ZNF827: variants seen among roughly 807,000 people sequenced by gnomAD.
ZNF827 encodes the protein zinc finger protein 827.
ZNF827 carries 13 observed loss-of-function variants against 102.4 expected under a neutral mutation model. That is an observed-to-expected ratio of 0.13 (90% CI 0.08 to 0.20). ZNF827 has a LOEUF of 0.20. Ranked by LOEUF, ZNF827 falls within the 10% of genes least tolerant of loss-of-function variation. ZNF827 has a pLI of 1.00. For missense variants in ZNF827, 1,103 were observed against 1,344.4 expected (o/e 0.82, Z 2.81); for synonymous variants, 523 against 536.2 (o/e 0.98, Z 0.34).
intron 1 of ZNF827, among the ~76,000 whole-genome samples, chr4:145,913,636 C>T (rs1752460118): frequency 1.3e-5 from 2 of 151,950 alleles, no homozygotes; most frequent in African/African-American, 4.8e-5. Flanking sequence ...CTGGTTAGTC[C>T]ACGGATTGAT....
chr4:145,883,735 A>G (rs1409454106), intron 4 of ZNF827, among the ~76,000 whole-genome samples: 2 of 152,132 alleles, frequency 1.3e-5, no homozygotes, highest in East Asian at 3.9e-4. Context: ...CCCCACTCGG[A>G]TTGCCCCTGT....
rs1000689809 is a variant in ZNF827 at position 145,758,480 on chromosome 4, C to G, written c.*3136G>C. 3.3e-5 allele frequency: 5 copies of G among 152,200 alleles called. No homozygotes were observed. The highest frequency in any genetic ancestry group is 1.2e-4 in the African/African-American group (5 of 41,446). 9.4% of individuals were successfully genotyped at this position (152,200 alleles called of 1,614,324 possible). A position where few individuals can be genotyped will look rare whatever the true frequency, so the allele number is the denominator to read the frequency against. ...TTTTCTACCAGCCTCTGTGGGACTA[C>G]TTTAGCCCTCTTTCCTGTCATCACT... is the stretch of plus-strand genomic sequence containing the variant. On this transcript the variant is annotated 3_prime_UTR_variant, in exon 15 of 15. Transcript: ENST00000508784.
chr4:145,765,218 G>T lies in ZNF827; in HGVS notation c.3053-53C>A. 1 of 1,516,692 alleles carries T rather than the reference G, an allele frequency of 6.6e-7. No homozygotes were observed. The allele number at this position is 1,516,692 out of a possible 1,614,324, so 94.0% of individuals were successfully genotyped here. On this transcript the variant is annotated intron_variant, in intron 12 of 14. Coordinates refer to ENST00000508784, the MANE Select transcript of ZNF827 (RefSeq NM_001306215.2). This position sits in a 1 kb window ranked among gnomAD's most constrained non-coding sequence, Gnocchi z 4.7. The stretch of plus-strand genomic sequence containing the variant: ...GTGCACAGGGCAGCGGGGAGAGGAG[G>T]GCAGGAGTGGAGCCAAGCTCCTCCC...
chr4:145,890,001 T>A (rs1250803493), intron 3 of ZNF827, among the ~76,000 whole-genome samples: 1 of 149,442 alleles, frequency 6.7e-6, no homozygotes, highest in Non-Finnish European at 1.5e-5. Context: ...AAAAAAAAAA[T>A]CTGTCCGTCC....
intron 1 of ZNF827, 117 bp from the exon 2 acceptor site, chr4:145,903,332 A>C (rs1751581136): frequency 6.9e-7 from 1 of 1,446,148 alleles, no homozygotes; most frequent in African/African-American, 1.4e-5. Context: ...GAACCAAATG[A>C]AAGGTGGCAA....
chr4:145,808,104 A>C (rs997319202), intron 8 of ZNF827, among the ~76,000 whole-genome samples: 1 of 151,398 alleles, frequency 6.6e-6, no homozygotes, highest in African/African-American at 2.4e-5. Context: ...CTGTGGGTGC[A>C]AGTGACTATA....
At chr4:145,906,319 T>C (rs999432387) in intron 1 of ZNF827, among the ~76,000 whole-genome samples, 1 of 152,228 alleles carries the variant, frequency 6.6e-6, no homozygotes, top group Non-Finnish European at 1.5e-5. Flanking sequence ...CAAGGGATTC[T>C]CTTAGATAAG....
intron 9 of ZNF827, 93 bp from the exon 10 acceptor site, chr4:145,776,053 A>C (rs4835257): frequency 0.48 from 686,481 of 1,428,920 alleles, 175,193 homozygotes; most frequent in Non-Finnish European, 0.54. Flanking sequence ...TCAAGGAAAG[A>C]ATGGTTCAAG....
intron 8 of ZNF827, among the ~76,000 whole-genome samples, chr4:145,800,086 A>G (rs1740745897): frequency 6.6e-6 from 1 of 152,162 alleles, no homozygotes; most frequent in East Asian, 1.9e-4. Flanking sequence ...TAGTTTATAG[A>G]GAGTAGGACC....
intron 9 of ZNF827, 21 bp from the exon 10 acceptor site, chr4:145,775,981 A>T: frequency 6.8e-6 from 11 of 1,614,080 alleles, no homozygotes; most frequent in Non-Finnish European, 9.3e-6. Flanking sequence ...AGGAACAGGA[A>T]AAAGCCCAAA....
chr4:145,765,223 G>C lies in ZNF827; in HGVS notation c.3053-58C>G. Reference sequence around the variant, plus strand: ...CAGGGCAGCGGGGAGAGGAGGGCAGGAGTGGAGCCAAGCTCCTCCCCACTT... The same window carrying C: ...CAGGGCAGCGGGGAGAGGAGGGCAGCAGTGGAGCCAAGCTCCTCCCCACTT... On this transcript the variant is annotated intron_variant, in intron 12 of 14. Transcript: ENST00000508784. This position sits in a 1 kb window ranked among gnomAD's most constrained non-coding sequence, Gnocchi z 4.7. 3 of 1,507,264 alleles carry C rather than the reference G, an allele frequency of 2.0e-6. No individual in the cohort carries two copies. In the South Asian group the frequency reaches 4.0e-5, roughly 20 times the overall value. 93.4% of individuals were successfully genotyped at this position (1,507,264 alleles called of 1,614,324 possible).
At chr4:145,776,194 C>T (rs1737058029) in intron 9 of ZNF827, among the ~76,000 whole-genome samples, 1 of 152,146 alleles carries the variant, frequency 6.6e-6, no homozygotes, top group Admixed American at 6.5e-5. Flanking sequence ...CTGTGGCTCA[C>T]ACCTGTAATT....
intron 1 of ZNF827, among the ~76,000 whole-genome samples, chr4:145,930,938 A>T (rs771376079): frequency 1.3e-5 from 2 of 152,244 alleles, no homozygotes; most frequent in Non-Finnish European, 2.9e-5. Context: ...ATTAGTATCA[A>T]GCCAAAGTCT....
chr4:145,812,350 T>A (rs1742105771), intron 8 of ZNF827, among the ~76,000 whole-genome samples: 1 of 152,112 alleles, frequency 6.6e-6, no homozygotes. Flanking sequence ...CATCAAACCA[T>A]CTAAAGTCTT....
intron 8 of ZNF827, among the ~76,000 whole-genome samples, chr4:145,785,986 C>T (rs912999910): frequency 2.6e-5 from 4 of 152,094 alleles, no homozygotes; most frequent in Admixed American, 2.0e-4. Flanking sequence ...TCAAAACTTA[C>T]AATAAAGAAG....
intron 1 of ZNF827, among the ~76,000 whole-genome samples, chr4:145,904,407 T>C (rs962253572): frequency 3.9e-5 from 6 of 152,066 alleles, no homozygotes; most frequent in African/African-American, 7.2e-5. Flanking sequence ...GAAAACCACA[T>C]AGGGCAAGAC....
At chr4:145,815,653 A>G (rs1333528970) in intron 8 of ZNF827, among the ~76,000 whole-genome samples, 2 of 152,378 alleles carry the variant, frequency 1.3e-5, no homozygotes, top group East Asian at 3.9e-4. Flanking sequence ...GCATGAAATG[A>G]GAATATGTAT....
intron 1 of ZNF827, among the ~76,000 whole-genome samples, chr4:145,937,554 C>G (rs1407766643): frequency 6.8e-6 from 1 of 146,972 alleles, no homozygotes; most frequent in South Asian, 2.1e-4. Flanking sequence ...CCTCGCCCCC[C>G]GCCCGGCCGC....
At chr4:145,881,394 C>T (rs1749648997) in intron 4 of ZNF827, among the ~76,000 whole-genome samples, 1 of 152,042 alleles carries the variant, frequency 6.6e-6, no homozygotes, top group African/African-American at 2.4e-5. Flanking sequence ...TGCTGGCTTC[C>T]AAATTAAAAA....
Sources: gnomAD v4.1 joint callset for allele counts (sites outside exome capture counted in the v4.1 genomes callset) on GRCh38, gnomAD v4.1.1 for gene constraint, Gnocchi (gnomAD v3.1) non-coding constraint, MANE v1.5 for transcripts, NCBI Gene and HGNC (gene_info 2026-07-23, HGNC 2026-07-21) for gene names.